Variants in WDR33 observed in about 807,000 individuals in gnomAD.
WDR33 encodes pre-mRNA 3' end processing protein WDR33.
In WDR33, 47 loss-of-function variants were observed where a neutral mutation model predicts 164.9. The observed-to-expected ratio is 0.29, with a 90% CI of 0.23 to 0.36. The LOEUF is 0.36. Among genes scored for constraint, WDR33 ranks in the 10% least tolerant of loss-of-function variants. The pLI is 1.00. For missense variants in WDR33, 1,137 were observed against 1,754.1 expected (o/e 0.65, Z 6.28); for synonymous variants, 505 against 589.0 (o/e 0.86, Z 2.06).
chr2:127,719,030 AAAG>A lies in WDR33; in HGVS notation c.2760+232_2760+234del, dbSNP rs1229466693. ...TTCTGAAGAAACTCTATTACCAAAA[AAAG>A]AAAAATGGTGAGAAGTAAAAATGAA... On this transcript the variant is annotated intron_variant, in intron 16 of 21. Transcript: ENST00000322313. The surrounding 1 kb of genome is among the most constrained non-coding windows in gnomAD (Gnocchi z 6.5). Among the ~76,000 whole-genome samples, 2 of 152,262 alleles carry A rather than the reference AAAG, an allele frequency of 1.3e-5. No homozygotes were observed. The highest frequency in any genetic ancestry group is 2.9e-5 in the Non-Finnish European group (2 of 68,052).
At chr2:127,751,048 A>G (rs1687343733) in intron 7 of WDR33, among the ~76,000 whole-genome samples, 1 of 151,810 alleles carries the variant, frequency 6.6e-6, no homozygotes, top group African/African-American at 2.4e-5. Flanking sequence ...AAAACTGTAA[A>G]ACTAAAAATG....
At position 127,769,000 on chromosome 2, in the gene WDR33, TTC is replaced by T; in HGVS notation, c.205-1_205del. 7.5e-7 allele frequency: 1 copy of T among 1,328,050 alleles called. No individual in the cohort carries two copies. Among genetic ancestry groups the T allele is most frequent in the Non-Finnish European group, 1.0e-6 (1 of 1,004,336 alleles). The allele number at this position is 1,328,050 out of a possible 1,614,324, so 82.3% of individuals were successfully genotyped here. On this transcript the variant is annotated splice_acceptor_variant and coding_sequence_variant, in exon 3 of 22. Transcript: ENST00000322313. LOFTEE classifies it high-confidence loss of function. ...TCTCTGGTCTCTTTGCCATATTCTG[TTC>T]TGTTAAATAAATAAATAAATAAATA...
rs147180278 is a variant in WDR33 at position 127,719,821 on chromosome 2, G to A, written c.2204C>T (p.Pro735Leu). 43 of 1,613,488 alleles carry A rather than the reference G, an allele frequency of 2.7e-5. 1 individual carries two copies. In the South Asian group the frequency reaches 3.4e-4, roughly 13 times the overall value. The change falls in exon 16 of 22, where the codon CCG becomes CTG. Residue 735 changes from proline to leucine, a missense_variant. By Grantham distance (98) the Pro-to-Leu change is moderately conservative. This residue lies in a region of WDR33 where 867 missense variants were observed against 1,073.0 expected (regional missense o/e 0.81). Coordinates refer to ENST00000322313, the MANE Select transcript of WDR33 (RefSeq NM_018383.5). The surrounding 1 kb of genome is among the most constrained non-coding windows in gnomAD (Gnocchi z 6.5). ...TGGTCCCTGCATACCTTGAGTACCC[G>A]GAGGCCCCTGTGGGCCCAAGTGACC... ...PQGHLGPQGP[P>L]GTQGMQGPPG... is the part of the protein sequence containing the mutation.
At chr2:127,767,713 T>C (rs1004533427) in intron 4 of WDR33, among the ~76,000 whole-genome samples, 4 of 151,888 alleles carry the variant, frequency 2.6e-5, no homozygotes, top group African/African-American at 9.7e-5. Flanking sequence ...AGACTCTGTC[T>C]AAAAAAAATA....
rs755836998 is a variant in WDR33, at chr2:127,708,704, C to G, written c.3754G>C (p.Gly1252Arg). ...TTGCCTCCTCGGTCTTCAGAAGGGC[C>G]TCCTGGGGCCTCCATCTCTCTGTGC... ...SEHREMEAPG[G>R]PSEDRGGKGR... Residue 1252 changes from glycine (G) to arginine (R), a missense_variant, in exon 21 of 22, where the codon GGC becomes CGC. This residue lies in a region of WDR33 where 867 missense variants were observed against 1,073.0 expected (regional missense o/e 0.81). Transcript: ENST00000322313. This position sits in a 1 kb window ranked among gnomAD's most constrained non-coding sequence, Gnocchi z 6.7. 5.0e-6 allele frequency: 8 copies of G among 1,610,870 alleles called. No homozygotes were observed. Among genetic ancestry groups the G allele is most frequent in the Non-Finnish European group, 6.8e-6 (8 of 1,177,942 alleles).
Position 127,798,725 on chromosome 2 carries a change from A to G in WDR33, c.-24+12287T>C, listed in dbSNP as rs150701801. ...TTTAGATTTCAAAAAAAACAGTGTT[A>G]TTAGAGATACGATGAACTGAAAGTT... On this transcript the variant is annotated intron_variant, in intron 1 of 21. Transcript: ENST00000322313. Among the ~76,000 whole-genome samples, 28 of 152,282 alleles carry G rather than the reference A, an allele frequency of 1.8e-4. No individual in the cohort carries two copies. In the East Asian group the frequency reaches 5.0e-3, roughly 27 times the overall value.
chr2:127,753,237 A>G (rs1425717192), intron 7 of WDR33, among the ~76,000 whole-genome samples: 1 of 152,204 alleles, frequency 6.6e-6, no homozygotes, highest in African/African-American at 2.4e-5. Context: ...CTTTTAAAGG[A>G]CTTCAAAAAG....
At chr2:127,771,771 C>G (rs1292323520) in intron 1 of WDR33, among the ~76,000 whole-genome samples, 1 of 132,728 alleles carries the variant, frequency 7.5e-6, no homozygotes, top group Non-Finnish European at 1.6e-5. Flanking sequence ...GGGAGAGACC[C>G]TGTTGGAAAG....
intron 7 of WDR33, among the ~76,000 whole-genome samples, chr2:127,750,112 T>G (rs550767919): frequency 2.6e-5 from 4 of 152,060 alleles, no homozygotes; most frequent in African/African-American, 9.7e-5. Context: ...CAGCCTCAGA[T>G]TTCCCAGGTT....
At position 127,723,214 on chromosome 2, in the gene WDR33, A is replaced by G; in HGVS notation, c.1291+39T>C. 6.4e-7 allele frequency: 1 copy of G among 1,563,216 alleles called. No homozygotes were observed. Among genetic ancestry groups the G allele is most frequent in the Non-Finnish European group, 8.8e-7 (1 of 1,141,094 alleles). On this transcript the variant is annotated intron_variant, in intron 12 of 21. Coordinates refer to ENST00000322313, the MANE Select transcript of WDR33 (RefSeq NM_018383.5). The surrounding 1 kb of genome is among the most constrained non-coding windows in gnomAD (Gnocchi z 5.9). ...ACATCTAACACTTCTGTAATAGAATACCAGATTTCAAAGAAGGACAGATGT... is the reference window on the plus strand; with the variant it reads ...ACATCTAACACTTCTGTAATAGAATGCCAGATTTCAAAGAAGGACAGATGT...
chr2:127,725,424 G>A (rs1369536731), intron 8 of WDR33, among the ~76,000 whole-genome samples: 1 of 152,164 alleles, frequency 6.6e-6, no homozygotes, highest in East Asian at 1.9e-4. Flanking sequence ...GACAAAGACA[G>A]CTCTCATCAA....
intron 1 of WDR33, among the ~76,000 whole-genome samples, chr2:127,789,970 G>A (rs572225549): frequency 9.2e-5 from 14 of 152,132 alleles, no homozygotes; most frequent in African/African-American, 2.9e-4. Context: ...AGAATAGCTC[G>A]GACTACAGGT....
chr2:127,715,088 C>CTTTTTTTTTTTTTT (rs386391178), intron 17 of WDR33, among the ~76,000 whole-genome samples: 7 of 108,578 alleles, frequency 6.4e-5, no homozygotes, highest in East Asian at 2.6e-4. Context: ...TTCTTTGTTT[C>CTTTTTTTTTTTTTT]TTTTTTTTTT....
Position 127,712,533 on chromosome 2 carries a change from C to T in WDR33, c.3308+1050G>A, listed in dbSNP as rs912315102. The stretch of plus-strand genomic sequence containing the variant: ...CTGACACCTACCACCTGCCAGACCT[C>T]GGAAAGTCAAGACACTGCTCTTATT... On this transcript the variant is annotated intron_variant, in intron 18 of 21. Coordinates refer to ENST00000322313, the MANE Select transcript of WDR33 (RefSeq NM_018383.5). The surrounding 1 kb of genome is among the most constrained non-coding windows in gnomAD (Gnocchi z 4.0). 6.6e-6 allele frequency among the ~76,000 whole-genome samples: 1 copy of T among 152,212 alleles called. No homozygotes were observed. The highest frequency in any genetic ancestry group is 2.4e-5 in the African/African-American group (1 of 41,456).
intron 1 of WDR33, among the ~76,000 whole-genome samples, chr2:127,789,890 C>T (rs1573466777): frequency 6.6e-6 from 1 of 152,256 alleles, no homozygotes; most frequent in East Asian, 1.9e-4. Context: ...GGCTGGAGTG[C>T]AGTGGTGTGA....
Position 127,738,021 on chromosome 2 carries a change from A to G in WDR33, c.725-11244T>C, listed in dbSNP as rs1686902546. The stretch of plus-strand genomic sequence containing the variant: ...TACTGTTATTCACCTCTTGACAGAA[A>G]GGAAGTAACAACGGCAGTGATGAAA... On this transcript the variant is annotated intron_variant, in intron 7 of 21. Coordinates refer to ENST00000322313, the MANE Select transcript of WDR33 (RefSeq NM_018383.5). The surrounding 1 kb of genome is among the most constrained non-coding windows in gnomAD (Gnocchi z 4.4). 1.9e-6 allele frequency: 3 copies of G among 1,613,278 alleles called. No individual in the cohort carries two copies. The East Asian group carries it at 6.7e-5, about 36-fold the overall frequency.
chr2:127,702,064 C>T lies in WDR33; in HGVS notation c.*4259G>A. On this transcript the variant is annotated 3_prime_UTR_variant, in exon 22 of 22. Coordinates refer to ENST00000322313, the MANE Select transcript of WDR33 (RefSeq NM_018383.5). ...CTGGGCGCGGGCGCGCAGGTGGCCG[C>T]GCTGCTGGCCGCGCTGGTTGGGCTG... 1.7e-6 allele frequency: 2 copies of T among 1,208,282 alleles called. No homozygotes were observed. The highest frequency in any genetic ancestry group is 3.5e-5 in the East Asian group (1 of 28,486). 74.8% of individuals were successfully genotyped at this position (1,208,282 alleles called of 1,614,324 possible).
chr2:127,762,518 T>C (rs1010866460), intron 7 of WDR33: 5 of 985,178 alleles, frequency 5.1e-6, no homozygotes, highest in Non-Finnish European at 6.0e-6. Context: ...TTCATAGAGG[T>C]TTATTAATTA....
Position 127,701,775 on chromosome 2 carries a change from T to TGCCTGCTGCTGGC in WDR33, c.*4535_*4547dup, listed in dbSNP as rs1471364002. On this transcript the variant is annotated 3_prime_UTR_variant, in exon 22 of 22. Transcript: ENST00000322313. ...GCAGCGGCTGGCGGCGGGCGGCGGG[T>TGCCTGCTGCTGGC]GCCTGCTGCTGGCTGCACTGTGTTT... The TGCCTGCTGCTGGC allele has an allele frequency of 2.8e-6, 4 of 1,427,676 alleles. No individual in the cohort carries two copies. The African/African-American group carries it at 6.0e-5, about 21-fold the overall frequency. 88.4% of individuals were successfully genotyped at this position (1,427,676 alleles called of 1,614,324 possible).
Sources: gnomAD v4.1 joint callset for allele counts (sites outside exome capture counted in the v4.1 genomes callset) on GRCh38, gnomAD v4.1.1 for gene constraint, gnomAD v4.1.1 regional missense constraint, Gnocchi (gnomAD v3.1) non-coding constraint, MANE v1.5 for transcripts, NCBI Gene and HGNC (gene_info 2026-07-23, HGNC 2026-07-21) for gene names.